Variants in SLC30A3 observed in about 807,000 individuals in gnomAD.
SLC30A3 encodes the protein solute carrier family 30 member 3, also known as probable proton-coupled zinc antiporter SLC30A3.
Under a neutral mutation model 35.6 loss-of-function variants are expected in SLC30A3, and 20 were observed. The observed-to-expected ratio is 0.56, with a 90% CI of 0.39 to 0.82. SLC30A3 has a LOEUF of 0.82. Ranked by LOEUF, SLC30A3 falls within the 40% of genes least tolerant of loss-of-function variation. The probability of loss-of-function intolerance (pLI) is 0.00; values close to 1 mark genes in which losing one functional copy is unlikely to be tolerated. For synonymous variants in SLC30A3, 217 were observed against 224.7 expected, an observed-to-expected ratio of 0.97 and a Z score of 0.31; for missense variants, 401 against 530.6, an observed-to-expected ratio of 0.76 and a Z score of 2.40.
chr2:27,275,272 G>A (rs1234930227), exon 1 of SLC30A3: 4 of 1,246,134 alleles, frequency 3.2e-6, no homozygotes, highest in Admixed American at 4.6e-5. Context: ...AGAGGGGCTC[G>A]GTGGGAATCC....
intron 1 of SLC30A3, among the ~76,000 whole-genome samples, chr2:27,270,010 T>C (rs1677665737): frequency 1.3e-5 from 2 of 152,132 alleles, no homozygotes; most frequent in South Asian, 4.2e-4. Flanking sequence ...GAGAAGATAG[T>C]TGGTGGGTTA....
chr2:27,274,992 C>T (rs1677939831), intron 1 of SLC30A3, among the ~76,000 whole-genome samples: 1 of 152,084 alleles, frequency 6.6e-6, no homozygotes, highest in African/African-American at 2.4e-5. Flanking sequence ...CTTTGACAGA[C>T]GAAGTGGGAA....
chr2:27,256,395 G>A lies in SLC30A3; in HGVS notation c.1009C>T (p.Leu337=). 6.2e-7 allele frequency: 1 copy of A among 1,614,168 alleles called. No individual in the cohort carries two copies. The highest frequency in any genetic ancestry group is 8.5e-7 in the Non-Finnish European group (1 of 1,180,022). ...GGCCAGTGTGACTCACCGATGGCCA[G>A]GTGTGCAGAGGCAACATGGTAAGTG... The part of the protein sequence containing the change: ...TLTYHVASAH[L]AIDSTADPEA... The change falls in exon 7 of 8, where the codon CTG becomes TTG. Residue 337 remains leucine (L), a synonymous_variant. Transcript: ENST00000233535.
intron 1 of SLC30A3, among the ~76,000 whole-genome samples, chr2:27,259,843 T>C (rs1383394558): frequency 6.6e-6 from 1 of 152,086 alleles, no homozygotes; most frequent in Non-Finnish European, 1.5e-5. Context: ...AGCATGTACC[T>C]ACACAATGAT....
In SLC30A3 at chr2:27,257,939, G is replaced by A; in HGVS notation, c.544C>T (p.Leu182=). 1 of 1,614,190 alleles carries A rather than the reference G, an allele frequency of 6.2e-7. No individual in the cohort carries two copies. The highest frequency in any genetic ancestry group is 2.2e-5 in the East Asian group (1 of 44,890). The change falls in exon 4 of 8, where the codon CTG becomes TTG. Residue 182 remains leucine, a synonymous_variant. Coordinates refer to ENST00000233535, the MANE Select transcript of SLC30A3 (RefSeq NM_003459.5). This position sits in a 1 kb window ranked among gnomAD's most constrained non-coding sequence, Gnocchi z 4.7. The part of the protein sequence containing the change: ...DYHIEGGAML[L]TASIAVCANL... ...GCACAGACTGCGATGCTGGCGGTCA[G>A]CAGCATGGCACCCCCCTCGATGTGG...
Position 27,257,241 on chromosome 2 carries a change from G to A in SLC30A3, c.690C>T (p.Thr230=). Residue 230 remains threonine, a synonymous_variant, in exon 5 of 8, where the codon ACC becomes ACT. Coordinates refer to ENST00000233535, the MANE Select transcript of SLC30A3 (RefSeq NM_003459.5). The surrounding 1 kb of genome is among the most constrained non-coding windows in gnomAD (Gnocchi z 4.7). ...GPEEPLPLGN[T]SVRAAFVHVL... Reference sequence around the variant, plus strand: ...CGTGCACAAATGCCGCCCGGACGCTGGTGTTCCCCAGGGGCAGGGGCTCTT... The same window carrying A: ...CGTGCACAAATGCCGCCCGGACGCTAGTGTTCCCCAGGGGCAGGGGCTCTT... The A allele has an allele frequency of 2.5e-6, 4 of 1,614,090 alleles. No homozygotes were observed. Among genetic ancestry groups the A allele is most frequent in the Non-Finnish European group, 3.4e-6 (4 of 1,179,996 alleles).
rs149449543 is a variant in SLC30A3, at chr2:27,269,328, C to T, written c.-158-5246G>A. On this transcript the variant is annotated intron_variant, in intron 1 of 5. Coordinates refer to the SLC30A3 transcript ENST00000424577. ...TCAAGTGATGCTCCTGCCTTAGCCT[C>T]CCGAGTAGCTGGGACTACAGGTATG... Among the ~76,000 whole-genome samples, 571 of 151,592 alleles carry T rather than the reference C, an allele frequency of 3.8e-3. 2 individuals are homozygous for T. The highest frequency in any genetic ancestry group is 0.013 in the African/African-American group (557 of 41,314).
At chr2:27,274,461 T>A (rs1233521197) in intron 1 of SLC30A3, among the ~76,000 whole-genome samples, 3 of 152,216 alleles carry the variant, frequency 2.0e-5, no homozygotes, top group Non-Finnish European at 4.4e-5. Context: ...AAGCTTTTTC[T>A]ACTACATGTT....
At chr2:27,273,799 T>C (rs1441199363) in intron 1 of SLC30A3, among the ~76,000 whole-genome samples, 1 of 151,310 alleles carries the variant, frequency 6.6e-6, no homozygotes, top group Non-Finnish European at 1.5e-5. Flanking sequence ...AGTGCACCTC[T>C]AATGCCTTCT....
At chr2:27,273,910 T>A (rs779120062) in intron 1 of SLC30A3, among the ~76,000 whole-genome samples, 2 of 152,228 alleles carry the variant, frequency 1.3e-5, no homozygotes, top group Non-Finnish European at 2.9e-5. Context: ...AAATTTGGCA[T>A]GAGACAAACC....
chr2:27,268,987 G>A (rs1487515450), intron 1 of SLC30A3, among the ~76,000 whole-genome samples: 1 of 152,046 alleles, frequency 6.6e-6, no homozygotes, highest in Non-Finnish European at 1.5e-5. Context: ...TAACTGGGGT[G>A]CATCAAGGCT....
chr2:27,261,780 G>T (rs1401740758), intron 1 of SLC30A3, among the ~76,000 whole-genome samples: 1 of 152,080 alleles, frequency 6.6e-6, no homozygotes, highest in Non-Finnish European at 1.5e-5. Context: ...GAGATGCCAG[G>T]CCTACGGCAG....
Position 27,258,153 on chromosome 2 carries a change from G to A in SLC30A3, c.424+8C>T. The A allele has an allele frequency of 6.3e-7, 1 of 1,598,570 alleles. No homozygotes were observed. The highest frequency in any genetic ancestry group is 1.1e-5 in the South Asian group (1 of 89,274). ...TTGGAGAGTCACTGGGCCATGCAGG[G>A]GCCTTACCTGAACGGTGCCAGCCAA... On this transcript the variant is annotated splice_region_variant and intron_variant, in intron 3 of 7. Transcript: ENST00000233535. This position sits in a 1 kb window ranked among gnomAD's most constrained non-coding sequence, Gnocchi z 4.0.
At chr2:27,263,947 T>C, upstream of SLC30A3, 6 of 900,314 alleles carry the variant, frequency 6.7e-6, no homozygotes, top group African/African-American at 1.7e-5. Flanking sequence ...AGCGCCCTCC[T>C]GGACATTACC....
At chr2:27,274,888 G>C (rs1480760261) in intron 1 of SLC30A3, among the ~76,000 whole-genome samples, 1 of 152,168 alleles carries the variant, frequency 6.6e-6, no homozygotes, top group African/African-American at 2.4e-5. Context: ...TTTAAGTGAC[G>C]TTTTTGAAGC....
rs1381995715 is a variant in SLC30A3 at position 27,258,383 on chromosome 2, T to C, written c.278-76A>G. On this transcript the variant is annotated intron_variant, in intron 2 of 7. Coordinates refer to ENST00000233535, the MANE Select transcript of SLC30A3 (RefSeq NM_003459.5). The surrounding 1 kb of genome is among the most constrained non-coding windows in gnomAD (Gnocchi z 4.0). ...GTGTGTATAGGCATGGAAAATAAATTGGGGGATATACACCAAAAATGTGAT... is the reference window on the plus strand; with the variant it reads ...GTGTGTATAGGCATGGAAAATAAATCGGGGGATATACACCAAAAATGTGAT... 2 of 1,401,216 alleles carry C rather than the reference T, an allele frequency of 1.4e-6. No homozygotes were observed. Among genetic ancestry groups the C allele is most frequent in the Non-Finnish European group, 1.9e-6 (2 of 1,057,312 alleles). 86.8% of individuals were successfully genotyped at this position (1,401,216 alleles called of 1,614,324 possible).
chr2:27,259,069 G>A, intron 1 of SLC30A3, 135 bp from the exon 2 acceptor site: 1 of 666,014 alleles, frequency 1.5e-6, no homozygotes, highest in Non-Finnish European at 2.5e-6. Context: ...AGCTGCATCG[G>A]CAGAGGGCCA....
intron 1 of SLC30A3, among the ~76,000 whole-genome samples, chr2:27,270,206 A>G (rs931686190): frequency 6.6e-6 from 1 of 152,220 alleles, no homozygotes; most frequent in Non-Finnish European, 1.5e-5. Context: ...CAGTGTTTTA[A>G]TAAGATTGCT....
In SLC30A3 at chr2:27,256,389, T is replaced by A. The variant is rs760495233; in HGVS notation, c.1015A>T (p.Ile339Phe). 1.2e-6 allele frequency: 2 copies of A among 1,614,038 alleles called. No individual in the cohort carries two copies. The highest frequency in any genetic ancestry group is 8.5e-7 in the Non-Finnish European group (1 of 1,179,952). The change falls in exon 7 of 8, where the codon ATC (isoleucine) becomes TTC (phenylalanine). Residue 339 changes from isoleucine to phenylalanine, a missense_variant. Physicochemically the swap from Ile to Phe is conservative, Grantham distance 21. Around this residue, in one of 3 missense-constraint regions of SLC30A3, gnomAD observed 296 missense variants for 392.6 expected, o/e 0.75. Coordinates refer to ENST00000233535, the MANE Select transcript of SLC30A3 (RefSeq NM_003459.5). ...AGCTGGGGCCAGTGTGACTCACCGA[T>A]GGCCAGGTGTGCAGAGGCAACATGG... ...TYHVASAHLA[I>F]DSTADPEAVL...
Sources: allele counts gnomAD v4.1 joint callset (sites outside exome capture counted in the v4.1 genomes callset), GRCh38; gene constraint gnomAD v4.1.1; regional missense constraint gnomAD v4.1.1; non-coding constraint Gnocchi (gnomAD v3.1); transcripts MANE v1.5; gene names NCBI Gene and HGNC (gene_info 2026-07-23, HGNC 2026-07-21).